AGBL4: variants seen among roughly 807,000 people sequenced by gnomAD.
The protein encoded by AGBL4 is cytosolic carboxypeptidase 6.
In AGBL4, 58 loss-of-function variants were observed where a neutral mutation model predicts 66.4. The observed-to-expected ratio is 0.87, with a 90% CI of 0.71 to 1.09. The LOEUF (loss-of-function observed/expected upper bound fraction) is 1.09. Ranked by LOEUF, AGBL4 falls within the 50% of genes least tolerant of loss-of-function variation. The pLI, the probability that AGBL4 is intolerant of heterozygous loss-of-function variation, is 0.00. For missense variants in AGBL4, 579 were observed against 631.0 expected (o/e 0.92, Z 0.88); for synonymous variants, 234 against 222.9 (o/e 1.05, Z -0.44).
chr1:49,476,672 TTTTTCTTATTGTTTCTGACTTAA>T (rs1646852794), intron 3 of AGBL4, among the ~76,000 whole-genome samples: 1 of 152,086 alleles, frequency 6.6e-6, no homozygotes, highest in Non-Finnish European at 1.5e-5. Context: ...TTCTTGGTCC[TTTTTCTTATTGTTTCTGACTTAA>T]AGACTGTTTT....
chr1:49,754,168 T>C (rs1344420828), intron 2 of AGBL4, among the ~76,000 whole-genome samples: 2 of 152,178 alleles, frequency 1.3e-5, no homozygotes, highest in African/African-American at 4.8e-5. Context: ...TTTTGGAATT[T>C]TCAGCCTTTT....
In AGBL4 at chr1:49,533,331, T is replaced by C. The variant is rs143516674; in HGVS notation, c.282+163982A>G. 5.3e-3 allele frequency among the ~76,000 whole-genome samples: 807 copies of C among 152,314 alleles called. 6 individuals are homozygous for C. Among genetic ancestry groups the C allele is most frequent in the Middle Eastern group, 0.017 (5 of 292 alleles). ...AAACTGGTTGTGCTCCATGACCTGG[T>C]CAGTTTAGAAAATAAGCCACAAATA... On this transcript the variant is annotated intron_variant, in intron 3 of 13. Transcript: ENST00000371839.
At chr1:49,934,652 A>G (rs1207515568) in intron 1 of AGBL4, among the ~76,000 whole-genome samples, 1 of 152,192 alleles carries the variant, frequency 6.6e-6, no homozygotes, top group Non-Finnish European at 1.5e-5. Flanking sequence ...TGATGCAACA[A>G]AAGTGGTTCT....
At chr1:49,314,960 T>C (rs528874641) in intron 3 of AGBL4, among the ~76,000 whole-genome samples, 25 of 152,222 alleles carry the variant, frequency 1.6e-4, no homozygotes, top group Admixed American at 7.2e-4. Flanking sequence ...GTGGTTTTGA[T>C]TGGCATTTTT....
intron 4 of AGBL4, among the ~76,000 whole-genome samples, chr1:49,179,979 G>A (rs1441006916): frequency 1.3e-5 from 2 of 151,880 alleles, no homozygotes; most frequent in African/African-American, 2.4e-5. Context: ...TCGGCTCACT[G>A]CAACCTCTGC....
chr1:48,569,654 C>T (rs997982571), intron 11 of AGBL4, among the ~76,000 whole-genome samples: 7 of 152,110 alleles, frequency 4.6e-5, no homozygotes, highest in African/African-American at 1.2e-4. Flanking sequence ...GCTTTAAAGC[C>T]ATGAAGTCAA....
intron 3 of AGBL4, among the ~76,000 whole-genome samples, chr1:49,303,190 T>C (rs893669107): frequency 6.6e-6 from 1 of 152,302 alleles, no homozygotes; most frequent in Admixed American, 6.5e-5. Flanking sequence ...ATGAGATTTC[T>C]GGGTCAAATG....
At chr1:49,704,935 T>C (rs1253366354) in intron 2 of AGBL4, among the ~76,000 whole-genome samples, 2 of 152,164 alleles carry the variant, frequency 1.3e-5, no homozygotes, top group African/African-American at 4.8e-5. Flanking sequence ...CCATAAGAAA[T>C]TTAAAGTAGT....
intron 2 of AGBL4, among the ~76,000 whole-genome samples, chr1:49,750,523 T>G (rs1651371294): frequency 6.6e-6 from 1 of 152,140 alleles, no homozygotes; most frequent in Admixed American, 6.6e-5. Flanking sequence ...AGTCAGGTAG[T>G]GTGATGCCTC....
intron 1 of AGBL4, among the ~76,000 whole-genome samples, chr1:49,991,617 T>A (rs1659948003): frequency 6.6e-6 from 1 of 152,330 alleles, no homozygotes; most frequent in South Asian, 2.1e-4. Context: ...CATTTCTAAC[T>A]GCATCCTCAT....
intron 5 of AGBL4, among the ~76,000 whole-genome samples, chr1:48,954,283 C>T (rs1449218375): frequency 5.3e-5 from 8 of 152,156 alleles, no homozygotes; most frequent in Admixed American, 1.3e-4. Context: ...AGAAATAAAC[C>T]ACATCATAGA....
At chr1:49,778,405 T>C (rs760753918) in intron 2 of AGBL4, among the ~76,000 whole-genome samples, 19 of 152,180 alleles carry the variant, frequency 1.2e-4, no homozygotes, top group Non-Finnish European at 1.6e-4. Context: ...TGAGTAAGGC[T>C]GGCCCAGGAT....
chr1:49,499,740 T>TATATATATATATATATATATATATAC (rs1557998518), intron 3 of AGBL4, among the ~76,000 whole-genome samples: 2 of 151,038 alleles, frequency 1.3e-5, no homozygotes, highest in South Asian at 4.2e-4. Flanking sequence ...TATATATATA[T>TATATATATATATATATATATATATAC]ACACACATAT....
chr1:49,142,476 A>G (rs975912048), intron 4 of AGBL4, among the ~76,000 whole-genome samples: 2 of 152,230 alleles, frequency 1.3e-5, no homozygotes, highest in Non-Finnish European at 2.9e-5. Context: ...TACTTTCTGC[A>G]TATATAAAAT....
At chr1:48,642,580 C>A (rs1348973289) in intron 8 of AGBL4, among the ~76,000 whole-genome samples, 1 of 152,044 alleles carries the variant, frequency 6.6e-6, no homozygotes, top group East Asian at 1.9e-4. Context: ...GAATCTGAGG[C>A]CGAGAGGGCA....
chr1:48,795,758 T>C (rs749325994), intron 6 of AGBL4, among the ~76,000 whole-genome samples: 3 of 152,226 alleles, frequency 2.0e-5, no homozygotes, highest in Non-Finnish European at 2.9e-5. Flanking sequence ...GTTCAAGCGA[T>C]TCTCCTGCCT....
chr1:48,858,266 T>A (rs991697528), intron 6 of AGBL4, among the ~76,000 whole-genome samples: 3 of 152,214 alleles, frequency 2.0e-5, no homozygotes, highest in Non-Finnish European at 2.9e-5. Context: ...GTCAAGCAGT[T>A]TGGCAGTTTC....
At chr1:49,525,288 G>A (rs1650570067) in intron 3 of AGBL4, among the ~76,000 whole-genome samples, 1 of 151,976 alleles carries the variant, frequency 6.6e-6, no homozygotes, top group East Asian at 1.9e-4. Flanking sequence ...TTAAAATAGT[G>A]ATATAATAGG....
chr1:49,492,124 G>A lies in AGBL4; in HGVS notation c.282+205189C>T, dbSNP rs922446087. On this transcript the variant is annotated intron_variant, in intron 3 of 13. Coordinates refer to ENST00000371839, the MANE Select transcript of AGBL4 (RefSeq NM_032785.4). ...ATGCCTACCTAATGAGATTAGGTGA[G>A]GTAAGTGGCATAGGCATTATGACAT... 4.0e-5 allele frequency among the ~76,000 whole-genome samples: 6 copies of A among 151,774 alleles called. 1 individual carries two copies. The highest frequency in any genetic ancestry group is 7.2e-5 in the African/African-American group (3 of 41,382).
Sources: gnomAD v4.1 joint callset for allele counts (sites outside exome capture counted in the v4.1 genomes callset) on GRCh38, gnomAD v4.1.1 for gene constraint, MANE v1.5 for transcripts, NCBI Gene and HGNC (gene_info 2026-07-23, HGNC 2026-07-21) for gene names.